The following GRIA3 variants were observed in gnomAD, a reference collection of about 807,000 sequenced individuals.
GRIA3 encodes glutamate ionotropic receptor AMPA type subunit 3, also known as glutamate receptor 3.
In GRIA3, 3 loss-of-function variants were observed where a neutral mutation model predicts 63.0. That is an observed-to-expected ratio of 0.05 (90% CI 0.02 to 0.12). The LOEUF is 0.12. GRIA3 is among the 10% of genes least tolerant of loss of function. The pLI is 1.00. For missense variants in GRIA3, 347 were observed against 700.9 expected (o/e 0.50, Z 5.70); for synonymous variants, 274 against 257.9 (o/e 1.06, Z -0.60).
intron 5 of GRIA3, among the ~76,000 whole-genome samples, chrX:123,366,496 T>C (rs1252597299): frequency 1.8e-5 from 2 of 111,653 alleles, no homozygotes; most frequent in Non-Finnish European, 3.8e-5. Flanking sequence ...TCAAGGGCCA[T>C]TTATAACTCT....
chrX:123,192,149 G>A (rs999900841), intron 2 of GRIA3, among the ~76,000 whole-genome samples: 2 of 111,206 alleles, frequency 1.8e-5, no homozygotes, highest in South Asian at 3.9e-4. Context: ...AAGCCTTTGC[G>A]GGTAATTTGG....
chrX:123,316,023 A>G (rs2044828842), intron 3 of GRIA3, among the ~76,000 whole-genome samples: 1 of 110,777 alleles, frequency 9.0e-6, no homozygotes, highest in Non-Finnish European at 1.9e-5. Flanking sequence ...AAAAAAAAAA[A>G]AAAAGCAAAT....
At chrX:123,251,635 C>T (rs2044390586) in intron 2 of GRIA3, among the ~76,000 whole-genome samples, 1 of 111,201 alleles carries the variant, frequency 9.0e-6, no homozygotes, top group Non-Finnish European at 1.9e-5. Flanking sequence ...GGGGTTTCAC[C>T]GTGTTAGCCA....
chrX:123,480,049 T>C lies in GRIA3; in HGVS notation c.2325-14T>C, dbSNP rs751342849. On this transcript the variant is annotated splice_polypyrimidine_tract_variant and intron_variant, in intron 13 of 15. Coordinates refer to ENST00000620443, the MANE Select transcript of GRIA3 (RefSeq NM_007325.5). ...ACATAATATAATGTTATTTATGTTA[T>C]TTCCCACGTGAAGAACGCCTGTAAA... 5 of 999,612 alleles carry C rather than the reference T, an allele frequency of 5.0e-6. No individual in the cohort carries two copies. The African/African-American group carries it at 7.5e-5, about 15-fold the overall frequency. 82.4% of individuals were successfully genotyped at this position (999,612 alleles called of 1,213,427 possible).
intron 5 of GRIA3, among the ~76,000 whole-genome samples, chrX:123,383,137 A>T (rs2147370644): frequency 8.9e-6 from 1 of 112,342 alleles, no homozygotes; most frequent in African/African-American, 3.2e-5. Context: ...AATTAAAGCT[A>T]TTCATTAAAG....
At chrX:123,206,279 G>A (rs916287399) in intron 2 of GRIA3, among the ~76,000 whole-genome samples, 3 of 111,882 alleles carry the variant, frequency 2.7e-5, no homozygotes, top group South Asian at 3.8e-4. Context: ...AGAATGGGCC[G>A]TGCTTTGCCT....
intron 3 of GRIA3, among the ~76,000 whole-genome samples, chrX:123,284,124 C>G (rs928106142): frequency 3.1e-4 from 35 of 112,198 alleles, no homozygotes; most frequent in African/African-American, 1.1e-3. Context: ...GAGTGGACTT[C>G]CAGCAAACTC....
At chrX:123,483,106 T>G in intron 15 of GRIA3, 60 bp downstream of exon 15, 1 of 985,681 alleles carries the variant, frequency 1.0e-6, no homozygotes, top group South Asian at 2.1e-5. Context: ...ATCTCTTTTT[T>G]TCTTCTTTTT....
Position 123,201,020 on chromosome X carries a change from T to C in GRIA3, c.268+15030T>C, listed in dbSNP as rs943463705. Among the ~76,000 whole-genome samples, 17 of 112,174 alleles carry C rather than the reference T, an allele frequency of 1.5e-4. 1 individual carries two copies. Among genetic ancestry groups the C allele is most frequent in the South Asian group, 7.4e-4 (2 of 2,700 alleles). ...ACCCCTCTAAATCTCAGTTTTTCTTTCTGACAAATGGGGGAAATATTAGTA... is the reference window on the plus strand; with the variant it reads ...ACCCCTCTAAATCTCAGTTTTTCTTCCTGACAAATGGGGGAAATATTAGTA... On this transcript the variant is annotated intron_variant, in intron 2 of 15. Coordinates refer to ENST00000620443, the MANE Select transcript of GRIA3 (RefSeq NM_007325.5).
At chrX:123,427,352 T>C (rs1411163213) in intron 11 of GRIA3, among the ~76,000 whole-genome samples, 5 of 110,658 alleles carry the variant, frequency 4.5e-5, no homozygotes, top group Admixed American at 9.7e-5. Flanking sequence ...GTGTCCTACC[T>C]CCCAAGTTCT....
At chrX:123,343,142 C>T (rs890783553) in intron 4 of GRIA3, among the ~76,000 whole-genome samples, 4 of 111,680 alleles carry the variant, frequency 3.6e-5, no homozygotes, top group Admixed American at 9.5e-5. Context: ...TGTGGTGAAG[C>T]TTCAATGAGA....
At chrX:123,426,589 T>C (rs938066496) in intron 11 of GRIA3, among the ~76,000 whole-genome samples, 18 of 112,234 alleles carry the variant, frequency 1.6e-4, no homozygotes, top group African/African-American at 5.2e-4. Context: ...ATCACTGATG[T>C]AGAAGAACAA....
intron 13 of GRIA3, among the ~76,000 whole-genome samples, chrX:123,476,388 G>A (rs1435863677): frequency 9.0e-6 from 1 of 111,571 alleles, no homozygotes; most frequent in Non-Finnish European, 1.9e-5. Context: ...GGGAGAGGGT[G>A]TCAATACCTT....
chrX:123,339,117 A>G (rs979781147), intron 4 of GRIA3, among the ~76,000 whole-genome samples: 3 of 112,292 alleles, frequency 2.7e-5, no homozygotes, highest in South Asian at 3.7e-4. Context: ...AGAATCCAAC[A>G]TATCTAACAG....
chrX:123,421,968 T>C (rs2045566387), intron 11 of GRIA3, among the ~76,000 whole-genome samples: 1 of 111,588 alleles, frequency 9.0e-6, no homozygotes, highest in African/African-American at 3.3e-5. Flanking sequence ...ACCCGAAGGA[T>C]GATGTGATGA....
chrX:123,225,718 C>T (rs1299284786), intron 2 of GRIA3, among the ~76,000 whole-genome samples: 1 of 111,685 alleles, frequency 9.0e-6, no homozygotes, highest in Non-Finnish European at 1.9e-5. Flanking sequence ...CAAGCAATAA[C>T]TTTTAAGGTG....
chrX:123,311,398 A>C (rs1432379351), intron 3 of GRIA3, among the ~76,000 whole-genome samples: 2 of 112,114 alleles, frequency 1.8e-5, no homozygotes, highest in Non-Finnish European at 3.8e-5. Flanking sequence ...TAATAACTTC[A>C]GAATAGCTGG....
Position 123,489,436 on chromosome X carries a change from CCACT to C in GRIA3, c.*729_*732del, listed in dbSNP as rs1193380400. ...TTTGTGAAAATGCTTTGATAACTTCCCACTCAAAGAAGAGATTTACAGAGCTTTC... is the reference window on the plus strand; with the variant it reads ...TTTGTGAAAATGCTTTGATAACTTCCCAAAGAAGAGATTTACAGAGCTTTC... On this transcript the variant is annotated 3_prime_UTR_variant, in exon 16 of 16. Coordinates refer to ENST00000620443, the MANE Select transcript of GRIA3 (RefSeq NM_007325.5). 8.9e-6 allele frequency: 1 copy of C among 112,463 alleles called. No homozygotes were observed. Among genetic ancestry groups the C allele is most frequent in the Non-Finnish European group, 1.9e-5 (1 of 53,241 alleles). The allele number at this position is 112,463 out of a possible 1,213,427, so 9.3% of individuals were successfully genotyped here.
At chrX:123,208,876 G>C (rs927634924) in intron 2 of GRIA3, among the ~76,000 whole-genome samples, 8 of 112,324 alleles carry the variant, frequency 7.1e-5, no homozygotes, top group African/African-American at 2.6e-4. Context: ...TGATACCAGA[G>C]CATATTTAAC....
Sources: allele counts gnomAD v4.1 joint callset (sites outside exome capture counted in the v4.1 genomes callset), GRCh38; gene constraint gnomAD v4.1.1; transcripts MANE v1.5; gene names NCBI Gene and HGNC (gene_info 2026-07-23, HGNC 2026-07-21).